ARHGAP26: variants seen among roughly 807,000 people sequenced by gnomAD.
The protein encoded by ARHGAP26 is rho GTPase-activating protein 26.
A neutral mutation model predicts 104.8 loss-of-function variants in ARHGAP26; 38 were observed. The ratio of observed to expected loss-of-function variants is 0.36; its 90% CI spans 0.28 to 0.48. ARHGAP26 has a LOEUF of 0.48. Ranked by LOEUF, ARHGAP26 falls within the 20% of genes least tolerant of loss-of-function variation. ARHGAP26 has a pLI of 0.99. For synonymous variants in ARHGAP26, 341 were observed against 340.0 expected (o/e 1.00, Z -0.03); for missense variants, 704 against 947.9 (o/e 0.74, Z 3.38).
chr5:143,129,419 A>G (rs999623303), intron 18 of ARHGAP26, among the ~76,000 whole-genome samples: 4 of 152,188 alleles, frequency 2.6e-5, no homozygotes, highest in Non-Finnish European at 5.9e-5. Flanking sequence ...AGAGTTACAT[A>G]ATTTGCCCAA....
intron 1 of ARHGAP26, among the ~76,000 whole-genome samples, chr5:142,850,945 C>T (rs1751390003): frequency 6.6e-6 from 1 of 152,202 alleles, no homozygotes; most frequent in South Asian, 2.1e-4. Context: ...GCTCGATATG[C>T]AGTGTCAACC....
In ARHGAP26 at chr5:142,903,572, A is replaced by AGTG; in HGVS notation, c.737_739dup (p.Val246dup). ...ATCGCTTTGAAGGCACTAGATCAGA[A>AGTG]GTGGAATCACTGATGAAAAAGATGA... is the stretch of plus-strand genomic sequence containing the variant. On this transcript the variant is annotated inframe_insertion, in exon 8 of 23. Coordinates refer to ENST00000645722, the MANE Select transcript of ARHGAP26 (RefSeq NM_001135608.3). The AGTG allele has an allele frequency of 1.2e-6, 2 of 1,614,064 alleles. No individual in the cohort carries two copies.
chr5:143,161,228 T>C (rs1197630691), intron 20 of ARHGAP26, among the ~76,000 whole-genome samples: 2 of 151,838 alleles, frequency 1.3e-5, no homozygotes. Context: ...GCCAGACTGG[T>C]TTCAAACTCC....
intron 1 of ARHGAP26, among the ~76,000 whole-genome samples, chr5:142,781,363 AC>A (rs1757459904): frequency 7.8e-6 from 1 of 128,024 alleles, no homozygotes; most frequent in Admixed American, 6.9e-5. Flanking sequence ...GATATGGTTA[AC>A]TTTTTTTTTC....
chr5:142,932,184 C>T, intron 11 of ARHGAP26, 59 bp downstream of exon 11: 5 of 1,499,672 alleles, frequency 3.3e-6, no homozygotes, highest in Non-Finnish European at 3.7e-6. Context: ...TTTGTTGCTT[C>T]CCTAGTGCAG....
intron 1 of ARHGAP26, among the ~76,000 whole-genome samples, chr5:142,785,977 ATT>A (rs71576155): frequency 0.096 from 13,320 of 138,336 alleles, 1,136 homozygotes; most frequent in African/African-American, 0.24. Context: ...GATCCCTGGT[ATT>A]TTTTTTTTTT....
At chr5:142,980,441 T>G (rs916616396) in intron 11 of ARHGAP26, among the ~76,000 whole-genome samples, 1 of 151,470 alleles carries the variant, frequency 6.6e-6, no homozygotes, top group African/African-American at 2.4e-5. Context: ...CAGGCTGGAG[T>G]GCGGTGGTGC....
intron 1 of ARHGAP26, among the ~76,000 whole-genome samples, chr5:142,806,870 A>G (rs1763091788): frequency 6.6e-6 from 1 of 152,236 alleles, no homozygotes; most frequent in Non-Finnish European, 1.5e-5. Flanking sequence ...GACTCATTTC[A>G]GGATAAGCAG....
At chr5:143,009,896 A>G (rs1384207745) in intron 11 of ARHGAP26, among the ~76,000 whole-genome samples, 1 of 152,172 alleles carries the variant, frequency 6.6e-6, no homozygotes, top group Admixed American at 6.5e-5. Flanking sequence ...CAGATCAGGC[A>G]TTTAGTGCCC....
Position 142,999,025 on chromosome 5 carries a change from A to G in ARHGAP26, c.1108-15055A>G, listed in dbSNP as rs570600152. Among the ~76,000 whole-genome samples the G allele has an allele frequency of 1.1e-3, 167 of 152,360 alleles. 1 individual carries two copies. The highest frequency in any genetic ancestry group is 3.4e-3 in the Middle Eastern group (1 of 294). ...TATTAAAGTGCATAGAGAGCCCTTC[A>G]GGACCTAAAGGGGTTCATTCATGAT... On this transcript the variant is annotated intron_variant, in intron 11 of 22. Coordinates refer to ENST00000645722, the MANE Select transcript of ARHGAP26 (RefSeq NM_001135608.3).
At chr5:143,063,572 G>C (rs1360210137) in intron 17 of ARHGAP26, among the ~76,000 whole-genome samples, 1 of 152,186 alleles carries the variant, frequency 6.6e-6, no homozygotes, top group Non-Finnish European at 1.5e-5. Context: ...TCACCATCCT[G>C]TTCCTACTGC....
At position 142,770,379 on chromosome 5, in the gene ARHGAP26, A is replaced by G. The variant is rs1597538717; in HGVS notation, c.-383A>G. On this transcript the variant is annotated 5_prime_UTR_variant, in exon 1 of 23. Coordinates refer to ENST00000645722, the MANE Select transcript of ARHGAP26 (RefSeq NM_001135608.3). Reference sequence around the variant, plus strand: ...TCGCTAGCAGGTTCGAGCGGCCCAGACACCGGCGGGGCGGCCGAGGCTGCT... The same window carrying G: ...TCGCTAGCAGGTTCGAGCGGCCCAGGCACCGGCGGGGCGGCCGAGGCTGCT... 2 of 188,376 alleles carry G rather than the reference A, an allele frequency of 1.1e-5. No individual in the cohort carries two copies. Among genetic ancestry groups the G allele is most frequent in the East Asian group, 1.7e-4 (2 of 12,048 alleles). The allele number at this position is 188,376 out of a possible 1,614,324, so 11.7% of individuals were successfully genotyped here.
intron 20 of ARHGAP26, chr5:143,168,726 A>T (rs903304277): frequency 6.6e-6 from 1 of 152,060 alleles, no homozygotes; most frequent in Admixed American, 6.6e-5. Context: ...TCTCTAGGAG[A>T]TTAGCTCTAG....
intron 1 of ARHGAP26, among the ~76,000 whole-genome samples, chr5:142,813,100 G>A (rs1313262059): frequency 1.3e-5 from 2 of 151,952 alleles, no homozygotes; most frequent in Non-Finnish European, 2.9e-5. Flanking sequence ...ACCATGCCCG[G>A]CTAACTTTTT....
intron 20 of ARHGAP26, among the ~76,000 whole-genome samples, chr5:143,157,842 G>A (rs1411611246): frequency 6.6e-6 from 1 of 152,160 alleles, no homozygotes; most frequent in African/African-American, 2.4e-5. Context: ...ATCTGGGGCA[G>A]GGCAAAGCCT....
chr5:143,181,474 G>A (rs1187541402), intron 20 of ARHGAP26, among the ~76,000 whole-genome samples: 1 of 152,152 alleles, frequency 6.6e-6, no homozygotes, highest in African/African-American at 2.4e-5. Context: ...TAAACTTGAT[G>A]GGAGAACTCT....
At chr5:143,141,375 A>C (rs976208298) in intron 19 of ARHGAP26, among the ~76,000 whole-genome samples, 4 of 152,234 alleles carry the variant, frequency 2.6e-5, no homozygotes, top group Non-Finnish European at 5.9e-5. Flanking sequence ...GTGTGTGTAT[A>C]TGTATATATT....
chr5:142,795,788 G>A (rs1760861307), intron 1 of ARHGAP26, among the ~76,000 whole-genome samples: 1 of 152,164 alleles, frequency 6.6e-6, no homozygotes, highest in African/African-American at 2.4e-5. Context: ...GTTTGGAAAA[G>A]GGGCTGAATT....
At chr5:143,213,094 G>A (rs545919161) in intron 21 of ARHGAP26, among the ~76,000 whole-genome samples, 52 of 152,238 alleles carry the variant, frequency 3.4e-4, no homozygotes, top group African/African-American at 1.1e-3. Flanking sequence ...GCAGTGAGCC[G>A]AGATCGCACC....
Sources: gnomAD v4.1 joint callset for allele counts (sites outside exome capture counted in the v4.1 genomes callset) on GRCh38, gnomAD v4.1.1 for gene constraint, MANE v1.5 for transcripts, NCBI Gene and HGNC (gene_info 2026-07-23, HGNC 2026-07-21) for gene names.